Variants in CLTC observed in about 807,000 individuals in gnomAD.
CLTC encodes clathrin heavy chain 1.
A neutral mutation model predicts 195.8 loss-of-function variants in CLTC; 16 were observed. The observed-to-expected ratio is 0.08, with a 90% CI of 0.06 to 0.12. The LOEUF (loss-of-function observed/expected upper bound fraction) is 0.12, where lower values mean the gene tolerates loss of function less well. Ranked by LOEUF, CLTC falls within the 10% of genes least tolerant of loss-of-function variation. The pLI is 1.00. For missense variants in CLTC, 796 were observed against 2,027.0 expected, an observed-to-expected ratio of 0.39 and a Z score of 11.66; for synonymous variants, 667 against 689.4, an observed-to-expected ratio of 0.97 and a Z score of 0.51.
Position 59,647,790 on chromosome 17 carries a change from G to A in CLTC, c.519+124G>A, listed in dbSNP as rs535668130. 7 of 904,862 alleles carry A rather than the reference G, an allele frequency of 7.7e-6. No homozygotes were observed. The East Asian group carries it at 1.8e-4, about 23-fold the overall frequency. 56.1% of individuals were successfully genotyped at this position (904,862 alleles called of 1,614,324 possible). A position where few individuals can be genotyped will look rare whatever the true frequency, so the allele number is the denominator to read the frequency against. On this transcript the variant is annotated intron_variant, in intron 3 of 31. Coordinates refer to ENST00000269122, the MANE Select transcript of CLTC (RefSeq NM_004859.4). ...CTGTTGAATTTCACTTATTTTGGAA[G>A]ACTTTTTTTTTCCTTCCTCCCATCC...
At chr17:59,672,433 T>C (rs977628632) in intron 14 of CLTC, among the ~76,000 whole-genome samples, 1 of 89,160 alleles carries the variant, frequency 1.1e-5, no homozygotes, top group African/African-American at 3.3e-5. Context: ...GTAAGATGAC[T>C]AGTGTGTTGA....
At chr17:59,664,564 AAAAG>A (rs1439656358) in intron 9 of CLTC, 88 of 281,540 alleles carry the variant, frequency 3.1e-4, no homozygotes, top group African/African-American at 3.0e-3. Flanking sequence ...AAAAAAAAAA[AAAAG>A]AAAAGAAAAG....
intron 30 of CLTC, among the ~76,000 whole-genome samples, chr17:59,688,517 T>C (rs75268935): frequency 6.6e-6 from 1 of 151,320 alleles, no homozygotes; most frequent in African/African-American, 2.4e-5. Context: ...ACTTCTCTGC[T>C]TTTTTTTTGA....
chr17:59,644,204 G>A (rs2032124174), intron 1 of CLTC, 72 bp from the exon 2 acceptor site: 4 of 1,177,598 alleles, frequency 3.4e-6, no homozygotes, highest in Non-Finnish European at 3.7e-6. Context: ...GAGGATTTGT[G>A]TTGATGAGCA....
intron 8 of CLTC, 86 bp from the exon 9 acceptor site, chr17:59,663,755 GT>G: frequency 8.0e-6 from 9 of 1,120,668 alleles, no homozygotes; most frequent in Non-Finnish European, 1.1e-5. Context: ...TTTCATACTA[GT>G]TATTACTTAT....
At chr17:59,623,819 A>G (rs961482988) in intron 1 of CLTC, among the ~76,000 whole-genome samples, 1 of 152,216 alleles carries the variant, frequency 6.6e-6, no homozygotes. Flanking sequence ...TGAGCACTTG[A>G]AATGTGGCTG....
At chr17:59,662,252 C>T (rs1355219922) in intron 8 of CLTC, among the ~76,000 whole-genome samples, 1 of 152,088 alleles carries the variant, frequency 6.6e-6, no homozygotes, top group African/African-American at 2.4e-5. Context: ...TAAATATGAA[C>T]CTTTTCTAAA....
At chr17:59,663,493 A>G (rs1300824516) in intron 8 of CLTC, among the ~76,000 whole-genome samples, 1 of 152,222 alleles carries the variant, frequency 6.6e-6, no homozygotes, top group Admixed American at 6.5e-5. Context: ...AATTGGGGCC[A>G]TGTGATGTGA....
intron 1 of CLTC, among the ~76,000 whole-genome samples, chr17:59,635,172 C>G (rs990952341): frequency 2.0e-5 from 3 of 151,560 alleles, no homozygotes; most frequent in Non-Finnish European, 2.9e-5. Context: ...GAAAATAGCT[C>G]CATCTGAAAA....
intron 4 of CLTC, among the ~76,000 whole-genome samples, chr17:59,650,987 T>C (rs1042151915): frequency 6.6e-6 from 1 of 152,228 alleles, no homozygotes; most frequent in Non-Finnish European, 1.5e-5. Flanking sequence ...TGTGACCTTT[T>C]AAGATTGGCT....
At chr17:59,649,779 C>T (rs1273385326) in intron 4 of CLTC, among the ~76,000 whole-genome samples, 1 of 152,052 alleles carries the variant, frequency 6.6e-6, no homozygotes, top group African/African-American at 2.4e-5. Flanking sequence ...CTACCAACAC[C>T]TCAATGTGAC....
intron 13 of CLTC, 85 bp downstream of exon 13, chr17:59,667,062 T>A: frequency 4.3e-6 from 5 of 1,164,164 alleles, no homozygotes; most frequent in Non-Finnish European, 6.0e-6. Context: ...TTGGAAATTT[T>A]GTTTTTCTAA....
At chr17:59,626,534 G>A (rs1229956577) in intron 1 of CLTC, among the ~76,000 whole-genome samples, 1 of 152,220 alleles carries the variant, frequency 6.6e-6, no homozygotes, top group African/African-American at 2.4e-5. Flanking sequence ...TGTGTTGTAT[G>A]TGTCCTTTTT....
chr17:59,630,894 G>C (rs952111257), intron 1 of CLTC, among the ~76,000 whole-genome samples: 1 of 152,176 alleles, frequency 6.6e-6, no homozygotes, highest in Non-Finnish European at 1.5e-5. Flanking sequence ...AATGCCTGTT[G>C]TCAGTTCTTC....
At chr17:59,673,289 GTTA>G (rs953849777) in intron 14 of CLTC, among the ~76,000 whole-genome samples, 4 of 152,150 alleles carry the variant, frequency 2.6e-5, no homozygotes, top group Non-Finnish European at 5.9e-5. Flanking sequence ...TGTGACTATA[GTTA>G]TTAAGTTGAT....
chr17:59,662,895 C>T (rs150931294), intron 8 of CLTC, among the ~76,000 whole-genome samples: 42 of 152,152 alleles, frequency 2.8e-4, no homozygotes, highest in African/African-American at 9.4e-4. Context: ...GGCAACACAG[C>T]GAGACCTTAT....
At chr17:59,667,080 G>A in intron 13 of CLTC, 103 bp downstream of exon 13, 1 of 843,810 alleles carries the variant, frequency 1.2e-6, no homozygotes, top group Non-Finnish European at 1.8e-6. Context: ...TAAAAATTTG[G>A]TTCTATGGGA....
Position 59,683,937 on chromosome 17 carries a change from T to C in CLTC, c.4386T>C (p.Ser1462=). Residue 1462 remains serine, a synonymous_variant, in exon 28 of 32, where the codon TCT becomes TCC. Transcript: ENST00000269122. This position sits in a 1 kb window ranked among gnomAD's most constrained non-coding sequence, Gnocchi z 6.1. ...CAGTTCAGAACCATAACAACAAATCTGTGAATGAATCATTGAACAATCTTT... is the reference window on the plus strand; with the variant it reads ...CAGTTCAGAACCATAACAACAAATCCGTGAATGAATCATTGAACAATCTTT... ...LRSVQNHNNK[S]VNESLNNLFI... 1 of 1,613,156 alleles carries C rather than the reference T, an allele frequency of 6.2e-7. No individual in the cohort carries two copies. The highest frequency in any genetic ancestry group is 8.5e-7 in the Non-Finnish European group (1 of 1,179,136).
intron 5 of CLTC, among the ~76,000 whole-genome samples, chr17:59,653,753 G>A (rs1011518984): frequency 4.7e-5 from 7 of 149,072 alleles, no homozygotes; most frequent in African/African-American, 1.7e-4. Flanking sequence ...TAGAGACAAT[G>A]TCTCACTGTG....
Sources: gnomAD v4.1 joint callset for allele counts (sites outside exome capture counted in the v4.1 genomes callset) on GRCh38, gnomAD v4.1.1 for gene constraint, Gnocchi (gnomAD v3.1) non-coding constraint, MANE v1.5 for transcripts, NCBI Gene and HGNC (gene_info 2026-07-23, HGNC 2026-07-21) for gene names.